FRMD4B: variants seen among roughly 807,000 people sequenced by gnomAD.
FRMD4B encodes FERM domain-containing protein 4B.
In FRMD4B, 74 loss-of-function variants were observed where a neutral mutation model predicts 141.5. The observed-to-expected ratio is 0.52, with a 90% CI of 0.43 to 0.63. The LOEUF is 0.63. Ranked by LOEUF, FRMD4B falls within the 30% of genes least tolerant of loss-of-function variation. The pLI is 0.00. For synonymous variants in FRMD4B, 506 were observed against 467.9 expected (o/e 1.08, Z -1.05); for missense variants, 1,366 against 1,253.4 (o/e 1.09, Z -1.36).
chr3:69,181,285 C>G lies in FRMD4B; in HGVS notation c.2465G>C (p.Gly822Ala). 6.2e-7 allele frequency: 1 copy of G among 1,613,852 alleles called. No individual in the cohort carries two copies. The highest frequency in any genetic ancestry group is 2.2e-5 in the East Asian group (1 of 44,872). ...CTCGGTGTCATTCTCATAGACATAACCACCACTGTAATAAAAGTCACACTC... is the reference window on the plus strand; with the variant it reads ...CTCGGTGTCATTCTCATAGACATAAGCACCACTGTAATAAAAGTCACACTC... ...YAECDFYYSG[G>A]YVYENDTEGQ... is the part of the protein sequence containing the mutation. Residue 822 changes from glycine (G) to alanine (A), a missense_variant, in exon 21 of 23, where the codon GGT becomes GCT. By Grantham distance (60) the Gly-to-Ala change is moderately conservative. Coordinates refer to ENST00000398540, the MANE Select transcript of FRMD4B (RefSeq NM_015123.3).
chr3:69,441,259 C>CT (rs553459378), intron 1 of FRMD4B, among the ~76,000 whole-genome samples: 156 of 152,076 alleles, frequency 1.0e-3, no homozygotes, highest in African/African-American at 3.7e-3. Flanking sequence ...GTTTTCTTTA[C>CT]TTTTTTTTCT....
At chr3:69,476,543 G>T (rs1427924215) in intron 1 of FRMD4B, among the ~76,000 whole-genome samples, 1 of 152,096 alleles carries the variant, frequency 6.6e-6, no homozygotes, top group Non-Finnish European at 1.5e-5. Context: ...TGAGGGCTCT[G>T]TTCTGTTCCA....
At chr3:69,178,084 A>G (rs1324084578) in intron 21 of FRMD4B, among the ~76,000 whole-genome samples, 1 of 152,186 alleles carries the variant, frequency 6.6e-6, no homozygotes, top group Non-Finnish European at 1.5e-5. Context: ...TGTCCTCTCT[A>G]TAAAACCAGT....
chr3:69,309,459 A>G (rs530648682), intron 3 of FRMD4B, among the ~76,000 whole-genome samples: 4 of 151,728 alleles, frequency 2.6e-5, no homozygotes, highest in Non-Finnish European at 5.9e-5. Context: ...TATATACTTG[A>G]GACAAGGTCT....
At chr3:69,447,234 G>C (rs1365804174) in intron 1 of FRMD4B, among the ~76,000 whole-genome samples, 1 of 152,026 alleles carries the variant, frequency 6.6e-6, no homozygotes, top group Non-Finnish European at 1.5e-5. Context: ...CATCTCTTTT[G>C]TTTCTTAGGG....
chr3:69,203,695 G>A (rs1157163299), intron 11 of FRMD4B, among the ~76,000 whole-genome samples: 3 of 152,172 alleles, frequency 2.0e-5, no homozygotes, highest in Non-Finnish European at 4.4e-5. Context: ...ACCCACCTCA[G>A]AGAGTTGTCG....
chr3:69,353,350 A>C (rs1703215035), intron 1 of FRMD4B, among the ~76,000 whole-genome samples: 1 of 152,210 alleles, frequency 6.6e-6, no homozygotes, highest in Non-Finnish European at 1.5e-5. Context: ...ATTCCTTCAC[A>C]AGAGTGAAGA....
rs2093161443 is a variant in FRMD4B, at chr3:69,218,369, T to C, written c.742A>G (p.Ile248Val). 2 of 1,433,588 alleles carry C rather than the reference T, an allele frequency of 1.4e-6. No individual in the cohort carries two copies. Among genetic ancestry groups the C allele is most frequent in the Non-Finnish European group, 9.8e-7 (1 of 1,021,406 alleles). 88.8% of individuals were successfully genotyped at this position (1,433,588 alleles called of 1,614,324 possible). ...CCGTAAGTCGGTAGAGCTTCTACTA[T>C]TTTCATATACCTATGGAAAATAAAT... ...RGQAVVQYMK[I>V]VEALPTYGVH... is the part of the protein sequence containing the mutation. The change falls in exon 10 of 23, where the codon ATA (isoleucine) becomes GTA (valine). Residue 248 changes from isoleucine to valine, a missense_variant. By Grantham distance (29) the Ile-to-Val change is conservative. Transcript: ENST00000398540.
At chr3:69,493,857 T>C (rs374092982) in intron 1 of FRMD4B, among the ~76,000 whole-genome samples, 11 of 152,178 alleles carry the variant, frequency 7.2e-5, no homozygotes, top group Non-Finnish European at 1.5e-4. Flanking sequence ...TGTCATCCTA[T>C]GACATATCTT....
At chr3:69,426,361 A>G (rs987251744) in intron 2 of FRMD4B, among the ~76,000 whole-genome samples, 1 of 151,918 alleles carries the variant, frequency 6.6e-6, no homozygotes, top group African/African-American at 2.4e-5. Flanking sequence ...TGTGTTGGGT[A>G]AAGGATTACG....
chr3:69,182,900 C>T (rs67268350), intron 19 of FRMD4B, among the ~76,000 whole-genome samples, 183 bp from the exon 20 acceptor site: 15,654 of 151,998 alleles, frequency 0.1, 2,077 homozygotes, highest in East Asian at 0.35. Context: ...AGCGGGAGCA[C>T]ATATGGTCTG....
chr3:69,511,275 T>A (rs1213921293), intron 1 of FRMD4B, among the ~76,000 whole-genome samples: 1 of 152,154 alleles, frequency 6.6e-6, no homozygotes, highest in Admixed American at 6.5e-5. Flanking sequence ...GTTGGATAAG[T>A]TTTTTAAAAA....
In FRMD4B at chr3:69,440,084, A is replaced by G. The variant is rs1202319250; in HGVS notation, c.-128-7323T>C. Among the ~76,000 whole-genome samples, 4 of 152,324 alleles carry G rather than the reference A, an allele frequency of 2.6e-5. No individual in the cohort carries two copies. In the East Asian group the frequency reaches 7.7e-4, roughly 29 times the overall value. On this transcript the variant is annotated intron_variant, in intron 1 of 5. Coordinates refer to the FRMD4B transcript ENST00000459638. Reference sequence around the variant, plus strand: ...ATGCAGAAGTTATACATTTTGATATAGTGAAATTCATCCAAACTTGAGTGT... The same window carrying G: ...ATGCAGAAGTTATACATTTTGATATGGTGAAATTCATCCAAACTTGAGTGT...
At chr3:69,204,494 TG>T (rs1402470849) in intron 11 of FRMD4B, among the ~76,000 whole-genome samples, 1 of 152,196 alleles carries the variant, frequency 6.6e-6, no homozygotes, top group Non-Finnish European at 1.5e-5. Flanking sequence ...ACTCACACGG[TG>T]GGGGATCCCT....
intron 1 of FRMD4B, among the ~76,000 whole-genome samples, chr3:69,351,550 G>T (rs765309850): frequency 6.6e-6 from 1 of 152,194 alleles, no homozygotes. Flanking sequence ...TGGAAACCAT[G>T]CAGAACAGAA....
At chr3:69,177,766 G>T (rs555490355) in intron 21 of FRMD4B, among the ~76,000 whole-genome samples, 2 of 152,200 alleles carry the variant, frequency 1.3e-5, no homozygotes, top group African/African-American at 4.8e-5. Flanking sequence ...TGTTATAAAG[G>T]TAAGGTGATG....
chr3:69,205,384 T>C (rs1220804875), intron 11 of FRMD4B, among the ~76,000 whole-genome samples: 1 of 152,316 alleles, frequency 6.6e-6, no homozygotes, highest in East Asian at 1.9e-4. Context: ...AATTTTTTAA[T>C]TTCTTGTAGA....
intron 1 of FRMD4B, among the ~76,000 whole-genome samples, chr3:69,473,830 T>C (rs1300968955): frequency 1.3e-5 from 2 of 152,164 alleles, no homozygotes; most frequent in African/African-American, 2.4e-5. Flanking sequence ...GTTAAGTCAA[T>C]AAGGAGAAAA....
chr3:69,364,314 G>C (rs188230645), intron 1 of FRMD4B, among the ~76,000 whole-genome samples: 1 of 152,354 alleles, frequency 6.6e-6, no homozygotes, highest in East Asian at 1.9e-4. Flanking sequence ...TGAACCAGGG[G>C]ACAGACAGAG....
Sources: gnomAD v4.1 joint callset for allele counts (sites outside exome capture counted in the v4.1 genomes callset) on GRCh38, gnomAD v4.1.1 for gene constraint, MANE v1.5 for transcripts, NCBI Gene and HGNC (gene_info 2026-07-23, HGNC 2026-07-21) for gene names.